HIVEP2: variants seen among roughly 807,000 people sequenced by gnomAD.
HIVEP2 encodes HIVEP zinc finger 2, also known as transcription factor HIVEP2.
Under a neutral mutation model 180.7 loss-of-function variants are expected in HIVEP2, and 14 were observed. The ratio of observed to expected loss-of-function variants is 0.08; its 90% CI spans 0.05 to 0.12. The LOEUF (loss-of-function observed/expected upper bound fraction) is 0.12, where lower values mean the gene tolerates loss of function less well. Among genes scored for constraint, HIVEP2 ranks in the 10% least tolerant of loss-of-function variants. The probability of loss-of-function intolerance (pLI) is 1.00; values close to 1 mark genes in which losing one functional copy is unlikely to be tolerated. For synonymous variants in HIVEP2, 1,184 were observed against 1,136.4 expected (o/e 1.04, Z -0.84); for missense variants, 2,579 against 3,008.5 (o/e 0.86, Z 3.34).
At chr6:142,782,248 C>T (rs974838471) in intron 3 of HIVEP2, among the ~76,000 whole-genome samples, 1 of 152,134 alleles carries the variant, frequency 6.6e-6, no homozygotes, top group Non-Finnish European at 1.5e-5. Context: ...TAGTGAATGA[C>T]ATTTTAGAAG....
intron 1 of HIVEP2, among the ~76,000 whole-genome samples, chr6:142,856,894 T>A (rs145287090): frequency 6.6e-6 from 1 of 152,332 alleles, no homozygotes; most frequent in Non-Finnish European, 1.5e-5. Flanking sequence ...GAGACCAACC[T>A]GGACTTCCGT....
intron 2 of HIVEP2, among the ~76,000 whole-genome samples, chr6:142,823,586 A>G (rs1212379117): frequency 6.6e-6 from 1 of 152,262 alleles, no homozygotes. Context: ...TAACAAGTGT[A>G]ACCATGCCAA....
At chr6:142,940,736 G>A (rs1336821167) in intron 1 of HIVEP2, among the ~76,000 whole-genome samples, 1 of 152,212 alleles carries the variant, frequency 6.6e-6, no homozygotes, top group Non-Finnish European at 1.5e-5. Flanking sequence ...CTGAGAGAGT[G>A]AATTGCATTG....
chr6:142,794,261 T>C (rs529284390), intron 2 of HIVEP2, among the ~76,000 whole-genome samples: 1 of 152,280 alleles, frequency 6.6e-6, no homozygotes, highest in African/African-American at 2.4e-5. Context: ...TACTGATAAT[T>C]AACAATATGT....
intron 1 of HIVEP2, among the ~76,000 whole-genome samples, chr6:142,887,593 A>G (rs73777818): frequency 6.0e-4 from 92 of 152,310 alleles, no homozygotes; most frequent in African/African-American, 2.1e-3. Context: ...TGAATCCCAT[A>G]AAAGGTTATT....
chr6:142,842,496 G>A lies in HIVEP2; in HGVS notation c.-640-5449C>T, dbSNP rs527552323. Among the ~76,000 whole-genome samples, 46 of 152,274 alleles carry A rather than the reference G, an allele frequency of 3.0e-4. No homozygotes were observed. In the South Asian group the frequency reaches 8.7e-3, roughly 29 times the overall value. On this transcript the variant is annotated intron_variant, in intron 1 of 9. Coordinates refer to ENST00000367603, the MANE Select transcript of HIVEP2 (RefSeq NM_006734.4). ...AGAAAAAAAAGACCTGAACGTCTGT[G>A]TGTAGATAGGCAAATAAGAACTGAA...
At position 142,770,140 on chromosome 6, in the gene HIVEP2, G is replaced by A. The variant is rs1775488515; in HGVS notation, c.4599C>T (p.Ser1533=). 6.2e-7 allele frequency: 1 copy of A among 1,614,208 alleles called. No individual in the cohort carries two copies. The highest frequency in any genetic ancestry group is 1.7e-5 in the Admixed American group (1 of 60,028). ...SQDYPSVSPS[S]REPFLPSKEM... is the part of the protein sequence containing the mutation. ...CCTTGCTGGGCAGGAATGGCTCCCT[G>A]GAAGACGGGCTAACAGAAGGATAGT... Residue 1533 remains serine (S), a synonymous_variant, in exon 5 of 10, where the codon TCC becomes TCT. Transcript: ENST00000367603. This position sits in a 1 kb window ranked among gnomAD's most constrained non-coding sequence, Gnocchi z 4.7.
rs532976689 is a variant in HIVEP2 at position 142,769,905 on chromosome 6, C to T, written c.4834G>A (p.Ala1612Thr). Reference protein sequence around the residue: ...KRPVGMLVRMASAPSGNVADS... With the variant: ...KRPVGMLVRMTSAPSGNVADS... Reference sequence around the variant, plus strand: ...GCCACGTTCCCGCTGGGGGCAGAGGCCATGCGGACCAGCATGCCAACAGGC... The same window carrying T: ...GCCACGTTCCCGCTGGGGGCAGAGGTCATGCGGACCAGCATGCCAACAGGC... Residue 1612 changes from alanine to threonine, a missense_variant, in exon 5 of 10, where the codon GCC (alanine) becomes ACC (threonine). Physicochemically the swap from Ala to Thr is moderately conservative, Grantham distance 58. Transcript: ENST00000367603. 2.6e-5 allele frequency: 42 copies of T among 1,614,058 alleles called. 1 individual carries two copies. In the South Asian group the frequency reaches 4.3e-4, roughly 16 times the overall value.
chr6:142,774,109 G>C lies in HIVEP2; in HGVS notation c.630C>G (p.Ser210=), dbSNP rs1357142042. 2 of 1,614,158 alleles carry C rather than the reference G, an allele frequency of 1.2e-6. No homozygotes were observed. The highest frequency in any genetic ancestry group is 2.2e-5 in the South Asian group (2 of 91,076). The change falls in exon 5 of 10, where the codon TCC becomes TCG. Residue 210 remains serine, a synonymous_variant. Transcript: ENST00000367603. The surrounding 1 kb of genome is among the most constrained non-coding windows in gnomAD (Gnocchi z 5.1). ...ATGGATATGGCCGCTCCCCAGTATG[G>C]GACCTGATGTGTTTTTTCAGTACAC... The part of the protein sequence containing the change: ...KPSVLKKHIR[S]HTGERPYPCI...
intron 6 of HIVEP2, among the ~76,000 whole-genome samples, chr6:142,767,787 T>A (rs948396118): frequency 2.6e-5 from 4 of 152,212 alleles, no homozygotes; most frequent in Non-Finnish European, 5.9e-5. Context: ...GGACTCAAGA[T>A]TTGAAAAGAA....
rs1160261854 is a variant in HIVEP2 at position 142,923,330 on chromosome 6, C to CA, written c.-641+21768dup. On this transcript the variant is annotated intron_variant, in intron 1 of 9. Coordinates refer to ENST00000367603, the MANE Select transcript of HIVEP2 (RefSeq NM_006734.4). ...TGGGCAACAGAGCAAGACTCCGTCT[C>CA]AAAAAAAAAAAAATCATAGTTAAAT... Among the ~76,000 whole-genome samples, 636 of 118,110 alleles carry CA rather than the reference C, an allele frequency of 5.4e-3. 2 individuals carry two copies. The highest frequency in any genetic ancestry group is 0.015 in the African/African-American group (478 of 31,626). The allele number at this position is 118,110 out of a possible 152,430, so 77.5% of individuals were successfully genotyped here.
chr6:142,908,776 T>A (rs1228242571), intron 1 of HIVEP2, among the ~76,000 whole-genome samples: 2 of 151,142 alleles, frequency 1.3e-5, no homozygotes, highest in East Asian at 3.9e-4. Flanking sequence ...ATTTCAAAAT[T>A]TTGCCTTAGA....
At chr6:142,810,791 AG>A (rs1403664390) in intron 2 of HIVEP2, among the ~76,000 whole-genome samples, 1 of 151,854 alleles carries the variant, frequency 6.6e-6, no homozygotes, top group Non-Finnish European at 1.5e-5. Flanking sequence ...AAAAAAAGAA[AG>A]AAAGAAACAG....
intron 2 of HIVEP2, among the ~76,000 whole-genome samples, chr6:142,787,251 T>G (rs201076469): frequency 5.6e-5 from 2 of 35,762 alleles, no homozygotes; most frequent in South Asian, 2.3e-3. Flanking sequence ...GTCTCAAAAA[T>G]AAATAAATAA....
At chr6:142,813,147 T>C (rs1227407208) in intron 2 of HIVEP2, among the ~76,000 whole-genome samples, 6 of 152,202 alleles carry the variant, frequency 3.9e-5, no homozygotes, top group Non-Finnish European at 7.4e-5. Flanking sequence ...TTGATGGATA[T>C]ATACACTGTT....
Position 142,772,574 on chromosome 6 carries a change from C to T in HIVEP2, c.2165G>A (p.Gly722Asp), listed in dbSNP as rs750574229. ...GGGGTCATAATCGGAAGCCATGATG[C>T]CCACAGGAGTGCTTACAATGCTGCT... ...ICSSIVSTPV[G>D]IMASDYDPKL... Residue 722 changes from glycine (G) to aspartate (D), a missense_variant, in exon 5 of 10, where the codon GGC (glycine) becomes GAC (aspartate). Around this residue, in one of 11 missense-constraint regions of HIVEP2, gnomAD observed 524 missense variants for 563.6 expected, o/e 0.93. Coordinates refer to ENST00000367603, the MANE Select transcript of HIVEP2 (RefSeq NM_006734.4). This position sits in a 1 kb window ranked among gnomAD's most constrained non-coding sequence, Gnocchi z 4.9. 10 of 1,614,158 alleles carry T rather than the reference C, an allele frequency of 6.2e-6. No homozygotes were observed. In the South Asian group the frequency reaches 6.6e-5, roughly 11 times the overall value.
intron 1 of HIVEP2, among the ~76,000 whole-genome samples, chr6:142,898,448 G>T (rs1777053090): frequency 6.6e-6 from 1 of 152,072 alleles, no homozygotes; most frequent in South Asian, 2.1e-4. Context: ...AATCACCTGA[G>T]GTCAGGAGTT....
intron 1 of HIVEP2, among the ~76,000 whole-genome samples, chr6:142,897,431 T>C (rs1197636827): frequency 6.6e-6 from 1 of 152,170 alleles, no homozygotes; most frequent in East Asian, 1.9e-4. Context: ...AAGCACTATT[T>C]GTAAGAGCCA....
At chr6:142,859,297 G>A (rs1028744632) in intron 1 of HIVEP2, among the ~76,000 whole-genome samples, 5 of 151,794 alleles carry the variant, frequency 3.3e-5, no homozygotes, top group South Asian at 2.1e-4. Flanking sequence ...GGGAGACTCC[G>A]TCTCTACAAA....
Sources: allele counts gnomAD v4.1 joint callset (sites outside exome capture counted in the v4.1 genomes callset), GRCh38; gene constraint gnomAD v4.1.1; regional missense constraint gnomAD v4.1.1; non-coding constraint Gnocchi (gnomAD v3.1); transcripts MANE v1.5; gene names NCBI Gene and HGNC (gene_info 2026-07-23, HGNC 2026-07-21).